The following PDE7B variants were observed in gnomAD, a reference collection of about 807,000 sequenced individuals.
The protein encoded by PDE7B is phosphodiesterase 7B, also known as 3',5'-cyclic-AMP phosphodiesterase 7B.
A neutral mutation model predicts 56.2 loss-of-function variants in PDE7B; 29 were observed. The ratio of observed to expected loss-of-function variants is 0.52; its 90% confidence interval spans 0.38 to 0.70. The LOEUF is 0.70. Among genes scored for constraint, PDE7B ranks in the 30% least tolerant of loss-of-function variants. The pLI is 0.00. For missense variants in PDE7B, 490 were observed against 565.0 expected (o/e 0.87, Z 1.35); for synonymous variants, 197 against 196.9 (o/e 1.00, Z 0.00).
At chr6:136,166,717 A>T (rs1411060856) in intron 8 of PDE7B, among the ~76,000 whole-genome samples, 2 of 152,110 alleles carry the variant, frequency 1.3e-5, no homozygotes, top group Non-Finnish European at 2.9e-5. Flanking sequence ...CACCTCCACT[A>T]TTGGGGATTA....
At chr6:136,178,266 TATTC>T (rs1779010807) in intron 9 of PDE7B, among the ~76,000 whole-genome samples, 1 of 152,218 alleles carries the variant, frequency 6.6e-6, no homozygotes, top group African/African-American at 2.4e-5. Flanking sequence ...ATTTTCTATT[TATTC>T]ATTAAATTAT....
At chr6:136,147,088 G>C (rs1040728282) in intron 3 of PDE7B, among the ~76,000 whole-genome samples, 1 of 152,038 alleles carries the variant, frequency 6.6e-6, no homozygotes, top group African/African-American at 2.4e-5. Context: ...GTTGAAGTGA[G>C]CCAAGATTGC....
chr6:135,911,451 T>C (rs180864397), intron 1 of PDE7B, among the ~76,000 whole-genome samples: 9 of 152,330 alleles, frequency 5.9e-5, no homozygotes, highest in Admixed American at 1.3e-4. Context: ...AAATAGTTTG[T>C]CCATCTTTGA....
chr6:135,963,917 A>G (rs188607853), intron 2 of PDE7B, among the ~76,000 whole-genome samples: 160 of 152,276 alleles, frequency 1.1e-3, no homozygotes, highest in Non-Finnish European at 1.8e-3. Context: ...GCTGAGGTCC[A>G]GTGAGCTCTA....
At chr6:135,980,692 A>G (rs1159311079) in intron 2 of PDE7B, among the ~76,000 whole-genome samples, 1 of 151,204 alleles carries the variant, frequency 6.6e-6, no homozygotes, top group Admixed American at 6.6e-5. Context: ...AATGCTCACC[A>G]TCACTGGCCA....
intron 2 of PDE7B, among the ~76,000 whole-genome samples, chr6:135,993,773 G>A (rs1233208399): frequency 6.6e-6 from 1 of 152,200 alleles, no homozygotes; most frequent in Non-Finnish European, 1.5e-5. Context: ...AGTGACCAAG[G>A]TAGAGGTAGA....
chr6:135,926,379 G>A (rs1774190544), intron 1 of PDE7B, among the ~76,000 whole-genome samples: 1 of 152,042 alleles, frequency 6.6e-6, no homozygotes, highest in Non-Finnish European at 1.5e-5. Flanking sequence ...GAGCCACCAT[G>A]CCCGGCAAAC....
chr6:136,124,831 A>G (rs544819851), intron 3 of PDE7B, among the ~76,000 whole-genome samples: 3 of 152,362 alleles, frequency 2.0e-5, no homozygotes, highest in Admixed American at 2.0e-4. Flanking sequence ...TATATATAAC[A>G]TGCTGACAAC....
At chr6:136,130,926 G>A (rs1222744438) in intron 3 of PDE7B, among the ~76,000 whole-genome samples, 3 of 152,152 alleles carry the variant, frequency 2.0e-5, no homozygotes, top group Non-Finnish European at 2.9e-5. Flanking sequence ...TTATTACCAT[G>A]AGAACAGTAT....
chr6:136,098,327 T>G (rs1415399294), intron 2 of PDE7B, among the ~76,000 whole-genome samples: 2 of 152,070 alleles, frequency 1.3e-5, no homozygotes, highest in African/African-American at 4.8e-5. Flanking sequence ...CCTAATAACA[T>G]TAGTTTCTGA....
intron 1 of PDE7B, among the ~76,000 whole-genome samples, chr6:135,876,989 TG>T (rs1775507555): frequency 6.6e-6 from 1 of 152,238 alleles, no homozygotes. Context: ...TTTATTGAAC[TG>T]GGTCTAAAAT....
At chr6:135,942,481 A>G (rs1562447650) in intron 1 of PDE7B, among the ~76,000 whole-genome samples, 1 of 152,142 alleles carries the variant, frequency 6.6e-6, no homozygotes. Flanking sequence ...TCACATACTT[A>G]ATGTTTTGTG....
chr6:136,074,944 A>C (rs1250850469), intron 2 of PDE7B, among the ~76,000 whole-genome samples: 1 of 152,206 alleles, frequency 6.6e-6, no homozygotes, highest in Non-Finnish European at 1.5e-5. Flanking sequence ...ATATATACCT[A>C]GAAGTGAAAT....
intron 2 of PDE7B, among the ~76,000 whole-genome samples, chr6:136,079,183 C>CA (rs1777168383): frequency 6.6e-6 from 1 of 151,998 alleles, no homozygotes; most frequent in Non-Finnish European, 1.5e-5. Flanking sequence ...ATCATAAAGT[C>CA]AAAAAACTGT....
At chr6:136,157,306 T>C (rs4896203) in intron 8 of PDE7B, among the ~76,000 whole-genome samples, 80,160 of 152,048 alleles carry the variant, frequency 0.53, 23,338 homozygotes, top group African/African-American at 0.8. Flanking sequence ...CGAGGCCTGG[T>C]GCAGTGGTTC....
At chr6:136,174,014 C>A in intron 9 of PDE7B, 126 bp downstream of exon 9, 1 of 681,116 alleles carries the variant, frequency 1.5e-6, no homozygotes, top group Non-Finnish European at 2.6e-6. Context: ...CCTGCCTGCA[C>A]TGAGCTGTCT....
intron 2 of PDE7B, among the ~76,000 whole-genome samples, chr6:136,095,411 G>A (rs1317676991): frequency 6.6e-6 from 1 of 152,124 alleles, no homozygotes; most frequent in Non-Finnish European, 1.5e-5. Context: ...GATTGGCAAA[G>A]CAGTTTTATC....
At chr6:135,974,277 CTG>C (rs1775145188) in intron 2 of PDE7B, among the ~76,000 whole-genome samples, 2 of 151,840 alleles carry the variant, frequency 1.3e-5, no homozygotes, top group South Asian at 4.2e-4. Flanking sequence ...CCAAATCTCT[CTG>C]TGTGTCTATA....
At chr6:136,073,309 A>G (rs573110567) in intron 2 of PDE7B, among the ~76,000 whole-genome samples, 2 of 152,342 alleles carry the variant, frequency 1.3e-5, no homozygotes, top group South Asian at 2.1e-4. Context: ...TGTAAAGAAC[A>G]TGATTGGGTT....
Sources: gnomAD v4.1 joint callset for allele counts (sites outside exome capture counted in the v4.1 genomes callset) on GRCh38, gnomAD v4.1.1 for gene constraint, MANE v1.5 for transcripts, NCBI Gene and HGNC (gene_info 2026-07-23, HGNC 2026-07-21) for gene names.